The following PPARGC1B variants were observed in gnomAD, a reference collection of about 807,000 sequenced individuals.
PPARGC1B encodes the protein peroxisome proliferator-activated receptor gamma coactivator 1-beta.
In PPARGC1B, 34 loss-of-function variants were observed where a neutral mutation model predicts 101.6. That is an observed-to-expected ratio of 0.33 (90% confidence interval 0.25 to 0.45). The LOEUF (loss-of-function observed/expected upper bound fraction) is 0.45. Among genes scored for constraint, PPARGC1B ranks in the 20% least tolerant of loss-of-function variants. The probability of loss-of-function intolerance (pLI) is 1.00; values close to 1 mark genes in which losing one functional copy is unlikely to be tolerated. For synonymous variants in PPARGC1B, 548 were observed against 539.3 expected (o/e 1.02, Z -0.22); for missense variants, 1,234 against 1,317.6 (o/e 0.94, Z 0.98).
At chr5:149,807,134 A>C (rs1158305155) in intron 1 of PPARGC1B, among the ~76,000 whole-genome samples, 1 of 138,924 alleles carries the variant, frequency 7.2e-6, no homozygotes, top group Admixed American at 7.2e-5. Flanking sequence ...CAATTTTTGT[A>C]TTTTTTTTTT....
At position 149,836,487 on chromosome 5, in the gene PPARGC1B, C is replaced by G. The variant is rs1347695524; in HGVS notation, c.2032C>G (p.Gln678Glu). The G allele has an allele frequency of 1.2e-6, 2 of 1,613,908 alleles. No individual in the cohort carries two copies. Among genetic ancestry groups the G allele is most frequent in the Admixed American group, 1.7e-5 (1 of 60,010 alleles). The change falls in exon 8 of 12, where the codon CAG (glutamine) becomes GAG (glutamate). Residue 678 changes from glutamine to glutamate, a missense_variant. Physicochemically the swap from Gln to Glu is conservative, Grantham distance 29. Coordinates refer to ENST00000309241, the MANE Select transcript of PPARGC1B (RefSeq NM_133263.4). ...ACATGCCACAGCCCAGCCAGCCTCC[C>G]AGGCTGGCCAGAAGCGTCCCTTCTC... ...LRHATAQPASQAGQKRPFSCS... is the reference protein window; with the variant it reads ...LRHATAQPASEAGQKRPFSCS...
chr5:149,797,243 CTG>C (rs1328697187), intron 1 of PPARGC1B, among the ~76,000 whole-genome samples: 23 of 152,196 alleles, frequency 1.5e-4, no homozygotes, highest in Non-Finnish European at 5.9e-5. Flanking sequence ...GTGCCAGGCA[CTG>C]TGTTACAATG....
At chr5:149,743,161 TTTTTTTTTTTTTGAGACAGA>T (rs1482433248) in intron 1 of PPARGC1B, among the ~76,000 whole-genome samples, 1 of 150,566 alleles carries the variant, frequency 6.6e-6, no homozygotes, top group African/African-American at 2.4e-5. Flanking sequence ...TATTCTTTTT[TTTTTTTTTTTTTGAGACAGA>T]TTCTCGCTCT....
chr5:149,821,739 A>C (rs1017179385), intron 2 of PPARGC1B, among the ~76,000 whole-genome samples: 1 of 152,212 alleles, frequency 6.6e-6, no homozygotes, highest in Admixed American at 6.5e-5. Flanking sequence ...CACTGTGTTC[A>C]TCCGAGGACT....
At position 149,847,690 on chromosome 5, in the gene PPARGC1B, A is replaced by G; in HGVS notation, c.*132A>G. On this transcript the variant is annotated 3_prime_UTR_variant, in exon 12 of 12. Transcript: ENST00000309241. ...AGAGAACACCCGTGAGAGAGACTTG[A>G]AACTGCTGTCCTTTAAAAAAAAAAA... 1 of 660,418 alleles carries G rather than the reference A, an allele frequency of 1.5e-6. No homozygotes were observed. 40.9% of individuals were successfully genotyped at this position (660,418 alleles called of 1,614,324 possible).
intron 1 of PPARGC1B, among the ~76,000 whole-genome samples, chr5:149,734,116 G>GT (rs1433750996): frequency 2.0e-5 from 3 of 151,918 alleles, no homozygotes; most frequent in African/African-American, 7.3e-5. Context: ...GAGGTCAGGA[G>GT]TTCCGGACCA....
At chr5:149,771,997 C>T in intron 1 of PPARGC1B, 8 of 1,445,564 alleles carry the variant, frequency 5.5e-6, no homozygotes, top group Non-Finnish European at 7.3e-6. Context: ...CCCAGACTTA[C>T]AGGCAGGAAG....
chr5:149,835,009 C>T (rs1758985634), intron 6 of PPARGC1B, among the ~76,000 whole-genome samples: 1 of 152,246 alleles, frequency 6.6e-6, no homozygotes, highest in African/African-American at 2.4e-5. Context: ...AAGTCCGTTC[C>T]TCCTTCTGGG....
At chr5:149,838,437 A>C (rs1035571509) in intron 8 of PPARGC1B, among the ~76,000 whole-genome samples, 1 of 152,144 alleles carries the variant, frequency 6.6e-6, no homozygotes, top group Non-Finnish European at 1.5e-5. Context: ...TTCTGGCTCC[A>C]TTCTTTCCCG....
chr5:149,741,058 T>C (rs1042531869), intron 1 of PPARGC1B, among the ~76,000 whole-genome samples: 3 of 152,122 alleles, frequency 2.0e-5, no homozygotes, highest in African/African-American at 7.2e-5. Context: ...GGGCTGGCTC[T>C]GAGTAGCTGG....
Position 149,766,996 on chromosome 5 carries a change from G to T in PPARGC1B, c.78+36576G>T, listed in dbSNP as rs1755934449. 2.6e-5 allele frequency among the ~76,000 whole-genome samples: 4 copies of T among 152,340 alleles called. No individual in the cohort carries two copies. The South Asian group carries it at 8.3e-4, about 32-fold the overall frequency. ...CCAAGTTGGTTCAGCTGACGAGGCT[G>T]TCGGAGATGAGGACCAGGTCCCTGC... On this transcript the variant is annotated intron_variant, in intron 1 of 11. Coordinates refer to ENST00000309241, the MANE Select transcript of PPARGC1B (RefSeq NM_133263.4).
In PPARGC1B at chr5:149,852,425, G is replaced by C. The variant is rs1345010480; in HGVS notation, c.*4867G>C. The C allele has an allele frequency of 6.6e-6, 1 of 152,184 alleles. No individual in the cohort carries two copies. Among genetic ancestry groups the C allele is most frequent in the Admixed American group, 6.5e-5 (1 of 15,282 alleles). The allele number at this position is 152,184 out of a possible 1,614,324, so 9.4% of individuals were successfully genotyped here. Reference sequence around the variant, plus strand: ...TGATTCCATTCTCTGACTTGACCCAGCTCCTGTTCAGGGTGAGGGTTCTCT... The same window carrying C: ...TGATTCCATTCTCTGACTTGACCCACCTCCTGTTCAGGGTGAGGGTTCTCT... On this transcript the variant is annotated 3_prime_UTR_variant, in exon 12 of 12. Coordinates refer to ENST00000309241, the MANE Select transcript of PPARGC1B (RefSeq NM_133263.4).
chr5:149,779,534 G>A (rs1289041142), intron 1 of PPARGC1B, among the ~76,000 whole-genome samples: 3 of 152,150 alleles, frequency 2.0e-5, no homozygotes, highest in Non-Finnish European at 1.5e-5. Context: ...GCAGGCCACT[G>A]CATCCCTGGA....
chr5:149,841,549 G>A (rs541906169), intron 9 of PPARGC1B, among the ~76,000 whole-genome samples: 1 of 152,210 alleles, frequency 6.6e-6, no homozygotes, highest in South Asian at 2.1e-4. Flanking sequence ...AAGAAACTGT[G>A]TGTTTTTCCT....
At chr5:149,760,778 T>A (rs866671947) in intron 1 of PPARGC1B, among the ~76,000 whole-genome samples, 1 of 152,200 alleles carries the variant, frequency 6.6e-6, no homozygotes, top group African/African-American at 2.4e-5. Flanking sequence ...GAGTTATTTC[T>A]GGAATTTGCC....
intron 1 of PPARGC1B, among the ~76,000 whole-genome samples, chr5:149,753,790 A>C (rs1478478700): frequency 6.6e-6 from 1 of 151,408 alleles, no homozygotes; most frequent in Non-Finnish European, 1.5e-5. Flanking sequence ...GCCTCCCCAC[A>C]ACAAGCAATT....
chr5:149,853,055 CT>C lies in PPARGC1B; in HGVS notation c.*5498del, dbSNP rs1759824625. On this transcript the variant is annotated 3_prime_UTR_variant, in exon 12 of 12. Coordinates refer to ENST00000309241, the MANE Select transcript of PPARGC1B (RefSeq NM_133263.4). The surrounding 1 kb of genome is among the most constrained non-coding windows in gnomAD (Gnocchi z 4.2). ...AGGGGTTTATATAACTAGAACCCCC[CT>C]GGGCTGTATTTTTGGTCAAAGGAGT... is the stretch of plus-strand genomic sequence containing the variant. 1 of 152,174 alleles carries C rather than the reference CT, an allele frequency of 6.6e-6. No homozygotes were observed. The highest frequency in any genetic ancestry group is 2.4e-5 in the African/African-American group (1 of 41,428). 9.4% of individuals were successfully genotyped at this position (152,174 alleles called of 1,614,324 possible). A position where few individuals can be genotyped will look rare whatever the true frequency, so the allele number is the denominator to read the frequency against.
intron 1 of PPARGC1B, among the ~76,000 whole-genome samples, chr5:149,785,774 TAG>T (rs1269368257): frequency 6.6e-6 from 1 of 152,178 alleles, no homozygotes; most frequent in Non-Finnish European, 1.5e-5. Context: ...CACTCCAACC[TAG>T]GTTGACACTA....
At chr5:149,821,590 T>TATA (rs1357314436) in intron 2 of PPARGC1B, among the ~76,000 whole-genome samples, 1 of 152,204 alleles carries the variant, frequency 6.6e-6, no homozygotes, top group East Asian at 1.9e-4. Context: ...TGTCTGGCAG[T>TATA]ATAATAATAA....
Sources: gnomAD v4.1 joint callset for allele counts (sites outside exome capture counted in the v4.1 genomes callset) on GRCh38, gnomAD v4.1.1 for gene constraint, Gnocchi (gnomAD v3.1) non-coding constraint, MANE v1.5 for transcripts, NCBI Gene and HGNC (gene_info 2026-07-23, HGNC 2026-07-21) for gene names.